CFAP74: variants seen among roughly 807,000 people sequenced by gnomAD.
The protein encoded by CFAP74 is cilia and flagella associated protein 74, also known as cilia- and flagella-associated protein 74.
CFAP74 carries 124 observed loss-of-function variants against 188.9 expected under a neutral mutation model. That is an observed-to-expected ratio of 0.66 (90% CI 0.57 to 0.76). CFAP74 has a LOEUF of 0.76. CFAP74 is among the 30% of genes least tolerant of loss of function. CFAP74 has a pLI of 0.00. For missense variants in CFAP74, 2,198 were observed against 2,165.2 expected, an observed-to-expected ratio of 1.02 and a Z score of -0.30; for synonymous variants, 956 against 916.7, an observed-to-expected ratio of 1.04 and a Z score of -0.77.
At chr1:1,935,496 A>G (rs902856063) in intron 25 of CFAP74, among the ~76,000 whole-genome samples, 7 of 87,678 alleles carry the variant, frequency 8.0e-5, no homozygotes, top group African/African-American at 3.1e-4. Flanking sequence ...GTAGGTACAC[A>G]TGTGTGCACG....
intron 25 of CFAP74, among the ~76,000 whole-genome samples, chr1:1,936,174 G>A (rs529563339): frequency 3.4e-5 from 5 of 148,960 alleles, no homozygotes; most frequent in African/African-American, 7.5e-5. Flanking sequence ...CCGAGATTGC[G>A]CCATTGCACT....
At chr1:1,954,034 G>C (rs572311741) in intron 18 of CFAP74, 1 of 152,316 alleles carries the variant, frequency 6.6e-6, no homozygotes, top group South Asian at 2.1e-4. Context: ...GAAGAACAAG[G>C]GATAGCCTTA....
chr1:1,990,772 T>C (rs1160188173), intron 2 of CFAP74, 118 bp downstream of exon 2: 1 of 650,086 alleles, frequency 1.5e-6, no homozygotes, highest in Non-Finnish European at 2.6e-6. Context: ...GAGAGAAAAA[T>C]ATGAGTGTAA....
In CFAP74 at chr1:1,990,965, A is replaced by T; in HGVS notation, c.-9T>A. On this transcript the variant is annotated 5_prime_UTR_variant, in exon 2 of 39. Transcript: ENST00000682832. ...CTGCCGTCATCCTCCATGCTGGGAG[A>T]TAGAAATTAGCTGCAAAAGATGATC... 1 of 1,605,684 alleles carries T rather than the reference A, an allele frequency of 6.2e-7. No homozygotes were observed.
chr1:1,996,920 C>CAAAAAAAAAAA (rs200261557), intron 1 of CFAP74, among the ~76,000 whole-genome samples: 1 of 84,634 alleles, frequency 1.2e-5, no homozygotes, highest in Non-Finnish European at 2.4e-5. Flanking sequence ...GACTCTGTCT[C>CAAAAAAAAAAA]AAAAAAAAAA....
At chr1:1,950,336 A>AT (rs879761291) in intron 18 of CFAP74, among the ~76,000 whole-genome samples, 1,443 of 134,704 alleles carry the variant, frequency 0.011, 18 homozygotes, top group African/African-American at 0.023. Flanking sequence ...TCTTTTGCCC[A>AT]TTTTTTTTTT....
At chr1:1,963,456 CAAAAAAAA>C (rs772909618) in intron 14 of CFAP74, among the ~76,000 whole-genome samples, 5 of 32,880 alleles carry the variant, frequency 1.5e-4, no homozygotes, top group Middle Eastern at 0.026. Context: ...GACTCCATCT[CAAAAAAAA>C]AAAAAAAAAA....
chr1:1,970,598 T>G (rs1379093285), intron 10 of CFAP74, 61 bp downstream of exon 10: 1 of 1,533,274 alleles, frequency 6.5e-7, no homozygotes, highest in Admixed American at 2.0e-5. Flanking sequence ...CCCCCTTGGC[T>G]CTCCCTGCAC....
At position 1,942,042 on chromosome 1, in the gene CFAP74, G is replaced by A; in HGVS notation, c.2601C>T (p.Leu867=). ...CTGGCACCTACCGCGGCAGGAACTT[G>A]AGCTGCACGGAGTAGGACGACTGTG... The part of the protein sequence containing the change: ...IQAQSSYSVQ[L]KFLPRHSLPE... Residue 867 remains leucine, a synonymous_variant, in exon 22 of 39, where the codon CTC becomes CTT. Transcript: ENST00000682832. The surrounding 1 kb of genome is among the most constrained non-coding windows in gnomAD (Gnocchi z 4.3). 6.6e-7 allele frequency: 1 copy of A among 1,516,350 alleles called. No individual in the cohort carries two copies. Among genetic ancestry groups the A allele is most frequent in the Non-Finnish European group, 8.8e-7 (1 of 1,138,350 alleles). 93.9% of individuals were successfully genotyped at this position (1,516,350 alleles called of 1,614,324 possible). A position where few individuals can be genotyped will look rare whatever the true frequency, so the allele number is the denominator to read the frequency against.
At chr1:1,955,382 C>T (rs1359785196) in intron 18 of CFAP74, 1 of 1,377,082 alleles carries the variant, frequency 7.3e-7, no homozygotes, top group Non-Finnish European at 9.6e-7. Flanking sequence ...AGCCCGGCCC[C>T]TCCAGGGGGC....
chr1:1,972,614 G>A (rs1656167409), intron 8 of CFAP74, among the ~76,000 whole-genome samples: 1 of 152,242 alleles, frequency 6.6e-6, no homozygotes, highest in Non-Finnish European at 1.5e-5. Flanking sequence ...GGGAGGCTGA[G>A]GCGGGCAGAT....
At chr1:1,986,592 C>T (rs929985893) in intron 5 of CFAP74, among the ~76,000 whole-genome samples, 6 of 152,236 alleles carry the variant, frequency 3.9e-5, no homozygotes, top group Non-Finnish European at 5.9e-5. Flanking sequence ...TTCCAGCGTC[C>T]CCCAGGCCCC....
At chr1:1,949,659 G>A (rs1654085472) in intron 18 of CFAP74, among the ~76,000 whole-genome samples, 1 of 152,114 alleles carries the variant, frequency 6.6e-6, no homozygotes, top group Non-Finnish European at 1.5e-5. Flanking sequence ...CCCCTTTCTA[G>A]TCAACCCTTT....
intron 25 of CFAP74, among the ~76,000 whole-genome samples, chr1:1,932,241 A>G (rs1247564219): frequency 6.7e-6 from 1 of 149,202 alleles, no homozygotes; most frequent in African/African-American, 2.5e-5. Flanking sequence ...CTAAAAATAC[A>G]CAAAAATTAG....
intron 1 of CFAP74, among the ~76,000 whole-genome samples, chr1:2,000,617 T>C (rs1013084091): frequency 6.6e-6 from 1 of 152,230 alleles, no homozygotes. Flanking sequence ...GGGAAGGGCC[T>C]GTTTCAGGCC....
chr1:1,944,258 G>A (rs539240485), intron 21 of CFAP74, 73 bp downstream of exon 21: 40 of 1,500,060 alleles, frequency 2.7e-5, no homozygotes, highest in Non-Finnish European at 3.5e-5. Flanking sequence ...GGCTCACCGC[G>A]TGTGCACAGG....
intron 6 of CFAP74, among the ~76,000 whole-genome samples, chr1:1,979,562 T>C (rs147744679): frequency 0.04 from 1,346 of 33,376 alleles, 33 homozygotes; most frequent in Middle Eastern, 0.1. Flanking sequence ...CGTGGGAAGG[T>C]GTCACGTGAC....
Position 1,922,149 on chromosome 1 carries a change from C to T in CFAP74, c.*138G>A, listed in dbSNP as rs2144686. 0.1 allele frequency: 64,551 copies of T among 631,678 alleles called. 6,635 individuals are homozygous for T. Among genetic ancestry groups the T allele is most frequent in the African/African-American group, 0.36 (18,693 of 51,302 alleles). 39.1% of individuals were successfully genotyped at this position (631,678 alleles called of 1,614,324 possible). Reference sequence around the variant, plus strand: ...CCAGGGCAGCAGGAAGTGGCCGTGGCGCCATGTGGAGGGCGGCCTATTGGA... The same window carrying T: ...CCAGGGCAGCAGGAAGTGGCCGTGGTGCCATGTGGAGGGCGGCCTATTGGA... On this transcript the variant is annotated 3_prime_UTR_variant, in exon 39 of 39. Transcript: ENST00000682832.
chr1:1,933,664 T>A (rs1652595353), intron 25 of CFAP74, among the ~76,000 whole-genome samples: 1 of 152,218 alleles, frequency 6.6e-6, no homozygotes, highest in Non-Finnish European at 1.5e-5. Flanking sequence ...ATGGTTTGTG[T>A]TTTCTCTTTT....
Sources: allele counts gnomAD v4.1 joint callset (sites outside exome capture counted in the v4.1 genomes callset), GRCh38; gene constraint gnomAD v4.1.1; non-coding constraint Gnocchi (gnomAD v3.1); transcripts MANE v1.5; gene names NCBI Gene and HGNC (gene_info 2026-07-23, HGNC 2026-07-21).